The following CC2D2A variants were observed in gnomAD, a reference collection of about 807,000 sequenced individuals.
The protein encoded by CC2D2A is coiled-coil and C2 domain-containing protein 2A.
In CC2D2A, 155 loss-of-function variants were observed where a neutral mutation model predicts 212.9. The observed-to-expected ratio is 0.73, with a 90% CI of 0.64 to 0.83. The LOEUF (loss-of-function observed/expected upper bound fraction) is 0.83. CC2D2A is among the 40% of genes least tolerant of loss of function. The pLI, the probability that CC2D2A is intolerant of heterozygous loss-of-function variation, is 0.00. For synonymous variants in CC2D2A, 667 were observed against 686.5 expected (o/e 0.97, Z 0.44); for missense variants, 1,856 against 1,956.2 (o/e 0.95, Z 0.97).
intron 2 of CC2D2A, among the ~76,000 whole-genome samples, chr4:15,476,524 G>A (rs1714225460): frequency 6.6e-6 from 1 of 152,218 alleles, no homozygotes; most frequent in African/African-American, 2.4e-5. Flanking sequence ...GGTGGAGAAG[G>A]GGAGGTGGAT....
intron 16 of CC2D2A, among the ~76,000 whole-genome samples, chr4:15,538,405 G>A (rs1718251107): frequency 6.6e-6 from 1 of 152,226 alleles, no homozygotes; most frequent in Admixed American, 6.5e-5. Context: ...TGTAGGAGAA[G>A]CATCCCAGTT....
chr4:15,528,827 T>C, intron 13 of CC2D2A, 101 bp downstream of exon 13: 1 of 728,516 alleles, frequency 1.4e-6, no homozygotes, highest in South Asian at 1.9e-5. Context: ...AATGAATACA[T>C]GTGAAATTAT....
rs1577392545 is a variant in CC2D2A, at chr4:15,580,026, G to A, written c.3830G>A (p.Cys1277Tyr). ...LQATEKFQAE[C>Y]ALKFPNRQCL... ...GCAACTGAGAAGTTTCAAGCTGAAT[G>A]TGCCTTAAAGTTTCCAAATCGTCAG... The change falls in exon 30 of 37, where the codon TGT becomes TAT. Residue 1277 changes from cysteine (C) to tyrosine (Y), a missense_variant. Cys to Tyr is a radical substitution (Grantham distance 194, BLOSUM62 -2). Coordinates refer to ENST00000424120, the MANE Select transcript of CC2D2A (RefSeq NM_001378615.1). 6.2e-7 allele frequency: 1 copy of A among 1,613,924 alleles called. No homozygotes were observed. The highest frequency in any genetic ancestry group is 2.2e-5 in the East Asian group (1 of 44,858).
intron 17 of CC2D2A, 46 bp downstream of exon 17, chr4:15,541,060 C>A (rs1718410119): frequency 2.1e-6 from 3 of 1,449,528 alleles, no homozygotes; most frequent in South Asian, 2.9e-5. Flanking sequence ...GTGGCTCATG[C>A]CTGTACTTTG....
intron 17 of CC2D2A, among the ~76,000 whole-genome samples, chr4:15,542,635 C>T (rs1222164950): frequency 6.6e-6 from 1 of 152,180 alleles, no homozygotes; most frequent in African/African-American, 2.4e-5. Context: ...TATTTACATA[C>T]TCTGTACTGA....
intron 30 of CC2D2A, 122 bp from the exon 31 acceptor site, chr4:15,586,035 G>A (rs1204370935): frequency 7.9e-6 from 5 of 631,808 alleles, no homozygotes; most frequent in Non-Finnish European, 1.4e-5. Context: ...TATTTAGTGA[G>A]CATTAGTTTC....
intron 2 of CC2D2A, 104 bp downstream of exon 2, chr4:15,476,075 C>A: frequency 1.1e-6 from 1 of 928,070 alleles, no homozygotes; most frequent in Non-Finnish European, 1.6e-6. Flanking sequence ...ATCTATTGCA[C>A]ATGTTAAAAG....
At chr4:15,536,132 T>C (rs1344866686) in intron 14 of CC2D2A, among the ~76,000 whole-genome samples, 1 of 152,090 alleles carries the variant, frequency 6.6e-6, no homozygotes, top group African/African-American at 2.4e-5. Context: ...AGCAAAATCA[T>C]CAAAGAAAAA....
intron 33 of CC2D2A, among the ~76,000 whole-genome samples, chr4:15,595,277 C>T (rs1721270513): frequency 1.3e-5 from 2 of 152,142 alleles, no homozygotes; most frequent in South Asian, 4.1e-4. Flanking sequence ...AGTATGACTA[C>T]TGTATGCCAG....
At chr4:15,562,192 A>G in intron 23 of CC2D2A, among the ~76,000 whole-genome samples, 1 of 152,216 alleles carries the variant, frequency 6.6e-6, no homozygotes, top group East Asian at 1.9e-4. Flanking sequence ...CCTCAGCCTC[A>G]GCTGGCATGT....
intron 4 of CC2D2A, chr4:15,481,478 T>TC (rs1442469002): frequency 3.6e-5 from 10 of 274,958 alleles, no homozygotes; most frequent in Non-Finnish European, 6.6e-5. Context: ...AGCACTGCAC[T>TC]CCAGCCTAGG....
intron 30 of CC2D2A, among the ~76,000 whole-genome samples, chr4:15,583,268 A>G (rs1720725614): frequency 6.6e-6 from 1 of 152,218 alleles, no homozygotes; most frequent in African/African-American, 2.4e-5. Context: ...TTCCTCTAAG[A>G]TCAGGAACAA....
intron 11 of CC2D2A, among the ~76,000 whole-genome samples, chr4:15,518,605 T>C (rs1008878988): frequency 7.2e-5 from 11 of 152,236 alleles, no homozygotes; most frequent in Admixed American, 6.5e-4. Context: ...GCAGAGGTTC[T>C]CCATGAGAGC....
intron 24 of CC2D2A, among the ~76,000 whole-genome samples, chr4:15,567,085 C>A (rs1276430230): frequency 6.6e-6 from 1 of 152,030 alleles, no homozygotes; most frequent in South Asian, 2.1e-4. Flanking sequence ...AAGTTTGAGA[C>A]CAGCCTTAGC....
chr4:15,485,563 C>T (rs1445483389), intron 4 of CC2D2A, among the ~76,000 whole-genome samples: 4 of 152,138 alleles, frequency 2.6e-5, no homozygotes, highest in Non-Finnish European at 5.9e-5. Flanking sequence ...TATTGTTTTC[C>T]ATAACAGCTG....
chr4:15,547,987 C>T (rs936995650), intron 17 of CC2D2A, among the ~76,000 whole-genome samples: 2 of 151,794 alleles, frequency 1.3e-5, no homozygotes, highest in African/African-American at 4.8e-5. Context: ...TGCTGTGAGC[C>T]GAGATCACTC....
intron 4 of CC2D2A, among the ~76,000 whole-genome samples, chr4:15,483,193 T>A (rs1470784036): frequency 6.6e-6 from 1 of 152,186 alleles, no homozygotes; most frequent in Non-Finnish European, 1.5e-5. Flanking sequence ...CCAGTGGCAT[T>A]AGAGCAGGAG....
At chr4:15,570,341 T>TA in intron 27 of CC2D2A, 57 bp from the exon 28 acceptor site, 1 of 1,068,672 alleles carries the variant, frequency 9.4e-7, no homozygotes, top group Admixed American at 2.2e-5. Context: ...GCTGCCAGAT[T>TA]AATTAAATGA....
At chr4:15,541,727 G>A (rs1344942987) in intron 17 of CC2D2A, among the ~76,000 whole-genome samples, 2 of 152,116 alleles carry the variant, frequency 1.3e-5, no homozygotes, top group African/African-American at 2.4e-5. Flanking sequence ...AAAGATACAG[G>A]TGCTAGGATC....
Sources: gnomAD v4.1 joint callset for allele counts (sites outside exome capture counted in the v4.1 genomes callset) on GRCh38, gnomAD v4.1.1 for gene constraint, MANE v1.5 for transcripts, NCBI Gene and HGNC (gene_info 2026-07-23, HGNC 2026-07-21) for gene names.